Variants in ADAM2 observed in about 807,000 individuals in gnomAD.
ADAM2 encodes the protein disintegrin and metalloproteinase domain-containing protein 2.
ADAM2 carries 101 observed loss-of-function variants against 99.3 expected under a neutral mutation model. That is an observed-to-expected ratio of 1.02 (90% CI 0.87 to 1.20). ADAM2 has a LOEUF of 1.20. Among genes scored for constraint, ADAM2 ranks in the 50% most tolerant of loss-of-function variants. The pLI, the probability that ADAM2 is intolerant of heterozygous loss-of-function variation, is 0.00. For synonymous variants in ADAM2, 323 were observed against 287.6 expected (o/e 1.12, Z -1.25); for missense variants, 948 against 878.7 (o/e 1.08, Z -1.00).
chr8:39,780,899 G>A (rs142312646), intron 10 of ADAM2, among the ~76,000 whole-genome samples: 76 of 152,028 alleles, frequency 5.0e-4, no homozygotes, highest in African/African-American at 1.4e-3. Context: ...GAGAAAATGC[G>A]ATCAAATAAT....
At chr8:39,832,697 C>T (rs1324379044) in intron 3 of ADAM2, among the ~76,000 whole-genome samples, 1 of 152,098 alleles carries the variant, frequency 6.6e-6, no homozygotes, top group Non-Finnish European at 1.5e-5. Context: ...CTGATGAAGG[C>T]TTTGTAATTA....
chr8:39,809,363 C>T lies in ADAM2; in HGVS notation c.570+47G>A, dbSNP rs767081944. 2.4e-5 allele frequency: 18 copies of T among 764,286 alleles called. No individual in the cohort carries two copies. The Admixed American group carries it at 2.5e-4, about 11-fold the overall frequency. The allele number at this position is 764,286 out of a possible 1,614,324, so 47.3% of individuals were successfully genotyped here. ...TATATTCCAAATTATTATTACAATC[C>T]CTCATTGCAAATATTAAGGGACATA... On this transcript the variant is annotated intron_variant, in intron 7 of 20. Transcript: ENST00000265708.
At chr8:39,819,042 G>C (rs193223479) in intron 6 of ADAM2, among the ~76,000 whole-genome samples, 1 of 151,886 alleles carries the variant, frequency 6.6e-6, no homozygotes, top group African/African-American at 2.4e-5. Flanking sequence ...TTTAAAATAC[G>C]TTTGGAAATG....
intron 6 of ADAM2, among the ~76,000 whole-genome samples, chr8:39,818,483 A>G (rs1394414007): frequency 6.6e-6 from 1 of 152,062 alleles, no homozygotes; most frequent in African/African-American, 2.4e-5. Flanking sequence ...CTTAAGGGTG[A>G]CAGACTGAAT....
chr8:39,820,068 C>T (rs1394423712), intron 6 of ADAM2, among the ~76,000 whole-genome samples: 1 of 152,060 alleles, frequency 6.6e-6, no homozygotes, highest in Admixed American at 6.6e-5. Flanking sequence ...AAAATATTAC[C>T]ACTGAATACT....
chr8:39,794,451 C>G (rs751501484), intron 7 of ADAM2, among the ~76,000 whole-genome samples: 7 of 151,906 alleles, frequency 4.6e-5, no homozygotes, highest in Non-Finnish European at 1.0e-4. Context: ...GGAGACCACC[C>G]CTCATATAGT....
intron 7 of ADAM2, among the ~76,000 whole-genome samples, chr8:39,796,493 A>G (rs1338353240): frequency 6.6e-6 from 1 of 152,184 alleles, no homozygotes; most frequent in African/African-American, 2.4e-5. Context: ...GTAGTGCTGC[A>G]ATAAACATAC....
chr8:39,770,674 C>A (rs1368032671), intron 11 of ADAM2, among the ~76,000 whole-genome samples: 2 of 152,142 alleles, frequency 1.3e-5, no homozygotes, highest in Non-Finnish European at 2.9e-5. Flanking sequence ...GAGTATCATA[C>A]ATGTAAAGTA....
intron 11 of ADAM2, among the ~76,000 whole-genome samples, chr8:39,774,130 A>G (rs878874323): frequency 1.1e-4 from 17 of 151,998 alleles, no homozygotes; most frequent in African/African-American, 3.9e-4. Context: ...AAATATATTC[A>G]TAATGAAAAC....
intron 14 of ADAM2, among the ~76,000 whole-genome samples, chr8:39,761,911 C>A (rs2129583848): frequency 6.6e-6 from 1 of 152,206 alleles, no homozygotes; most frequent in Non-Finnish European, 1.5e-5. Flanking sequence ...GAAACCCCGT[C>A]TCTACTAAAA....
intron 4 of ADAM2, among the ~76,000 whole-genome samples, chr8:39,822,012 C>A (rs879385367): frequency 6.6e-5 from 10 of 152,090 alleles, no homozygotes; most frequent in Non-Finnish European, 1.3e-4. Context: ...AAAATGTTTT[C>A]ATTTGCAAAT....
chr8:39,795,706 T>C (rs1803908830), intron 7 of ADAM2, among the ~76,000 whole-genome samples: 1 of 152,116 alleles, frequency 6.6e-6, no homozygotes. Context: ...CCTAAGACTG[T>C]GTTAAGGGCA....
chr8:39,835,945 A>G (rs1002761139), intron 2 of ADAM2, among the ~76,000 whole-genome samples: 2 of 152,068 alleles, frequency 1.3e-5, no homozygotes, highest in Non-Finnish European at 2.9e-5. Context: ...CTGACGGTCA[A>G]CAATTATCCC....
chr8:39,760,668 C>G (rs1352256319), intron 15 of ADAM2, among the ~76,000 whole-genome samples: 2 of 151,626 alleles, frequency 1.3e-5, no homozygotes, highest in African/African-American at 4.9e-5. Context: ...TTGCAGTGAG[C>G]CGAGATAGTG....
intron 10 of ADAM2, among the ~76,000 whole-genome samples, chr8:39,778,280 T>C (rs996426807): frequency 6.6e-6 from 1 of 152,146 alleles, no homozygotes; most frequent in South Asian, 2.1e-4. Context: ...CAGTTTTCCA[T>C]CATTTTCTAC....
intron 19 of ADAM2, among the ~76,000 whole-genome samples, 154 bp downstream of exon 19, chr8:39,746,318 C>T (rs1325616825): frequency 1.3e-5 from 2 of 152,104 alleles, no homozygotes; most frequent in Non-Finnish European, 2.9e-5. Context: ...TGAGCCACCA[C>T]CCCTGGCCAT....
At chr8:39,834,398 G>T (rs1805735071) in intron 2 of ADAM2, among the ~76,000 whole-genome samples, 1 of 152,032 alleles carries the variant, frequency 6.6e-6, no homozygotes, top group Non-Finnish European at 1.5e-5. Flanking sequence ...CTCTGCCCTT[G>T]ATAGTTAGTA....
At chr8:39,835,793 T>C (rs1805799025) in intron 2 of ADAM2, among the ~76,000 whole-genome samples, 1 of 152,130 alleles carries the variant, frequency 6.6e-6, no homozygotes, top group Admixed American at 6.5e-5. Flanking sequence ...ATAGTATTTG[T>C]TGAATTAATT....
At chr8:39,776,949 CTT>C in intron 11 of ADAM2, 74 bp downstream of exon 11, 1 of 953,376 alleles carries the variant, frequency 1.0e-6, no homozygotes, top group Non-Finnish European at 1.6e-6. Context: ...TATTTAACAA[CTT>C]AAACTTTCTT....
Sources: gnomAD v4.1 joint callset for allele counts (sites outside exome capture counted in the v4.1 genomes callset) on GRCh38, gnomAD v4.1.1 for gene constraint, MANE v1.5 for transcripts, NCBI Gene and HGNC (gene_info 2026-07-23, HGNC 2026-07-21) for gene names.